Variants in PTPRN2 observed in about 807,000 individuals in gnomAD.
PTPRN2 encodes the protein receptor-type tyrosine-protein phosphatase N2.
PTPRN2 carries 74 observed loss-of-function variants against 118.8 expected under a neutral mutation model. That is an observed-to-expected ratio of 0.62 (90% CI 0.52 to 0.76). The LOEUF (loss-of-function observed/expected upper bound fraction) is 0.76, where lower values mean the gene tolerates loss of function less well. Among genes scored for constraint, PTPRN2 ranks in the 30% least tolerant of loss-of-function variants. The pLI is 0.00. For missense variants in PTPRN2, 1,481 were observed against 1,394.4 expected, an observed-to-expected ratio of 1.06 and a Z score of -0.99; for synonymous variants, 641 against 608.0, an observed-to-expected ratio of 1.05 and a Z score of -0.80.
chr7:158,333,313 C>A (rs1310471222), intron 2 of PTPRN2, among the ~76,000 whole-genome samples: 2 of 140,608 alleles, frequency 1.4e-5, no homozygotes, highest in Non-Finnish European at 1.6e-5. Context: ...CTGCAGACGT[C>A]ACTCACACCC....
At chr7:158,369,268 T>TATAC (rs1279036358) in intron 2 of PTPRN2, among the ~76,000 whole-genome samples, 10 of 144,872 alleles carry the variant, frequency 6.9e-5, no homozygotes, top group African/African-American at 1.8e-4. Flanking sequence ...TATACACACA[T>TATAC]ACACACACAC....
chr7:158,276,578 G>C (rs950257081), intron 3 of PTPRN2, among the ~76,000 whole-genome samples: 10 of 152,086 alleles, frequency 6.6e-5, no homozygotes, highest in Admixed American at 3.9e-4. Flanking sequence ...CAGTCGTGGT[G>C]ACCGCATGGC....
chr7:157,771,075 C>T (rs534081173), intron 12 of PTPRN2, among the ~76,000 whole-genome samples: 8 of 152,352 alleles, frequency 5.3e-5, no homozygotes, highest in South Asian at 2.1e-4. Context: ...TTGGGAAACT[C>T]GCTGCCATTC....
chr7:158,332,859 C>A (rs1586314879), intron 2 of PTPRN2, among the ~76,000 whole-genome samples: 1 of 148,958 alleles, frequency 6.7e-6, no homozygotes, highest in South Asian at 2.1e-4. Flanking sequence ...ACGTCACTCA[C>A]ACCCACACTC....
Position 157,682,707 on chromosome 7 carries a change from TAA to T in PTPRN2, c.2001+16_2001+17del, listed in dbSNP as rs1202955028. 1.9e-6 allele frequency: 3 copies of T among 1,603,724 alleles called. No homozygotes were observed. Among genetic ancestry groups the T allele is most frequent in the African/African-American group, 2.7e-5 (2 of 74,682 alleles). ...CAGATAAATCCGATATACCACTTTT[TAA>T]AAAGTCTCCTCTTACCTGGTAGGCG... On this transcript the variant is annotated intron_variant, in intron 13 of 22. Coordinates refer to ENST00000389418, the MANE Select transcript of PTPRN2 (RefSeq NM_002847.5).
intron 3 of PTPRN2, among the ~76,000 whole-genome samples, chr7:158,275,200 G>A (rs975940368): frequency 1.4e-5 from 2 of 145,750 alleles, no homozygotes; most frequent in Non-Finnish European, 2.9e-5. Flanking sequence ...TGGCTGTGGG[G>A]ACAGTGGGGA....
At chr7:158,409,062 C>T (rs1813813650) in intron 2 of PTPRN2, among the ~76,000 whole-genome samples, 2 of 151,810 alleles carry the variant, frequency 1.3e-5, no homozygotes, top group Admixed American at 6.6e-5. Flanking sequence ...GCTTTATGTA[C>T]ACAATCATAT....
At chr7:158,499,166 TATC>T (rs911681137) in intron 1 of PTPRN2, among the ~76,000 whole-genome samples, 1 of 151,992 alleles carries the variant, frequency 6.6e-6, no homozygotes, top group Non-Finnish European at 1.5e-5. Flanking sequence ...ATATCATCAT[TATC>T]ATCATCATCA....
intron 1 of PTPRN2, among the ~76,000 whole-genome samples, chr7:158,571,963 A>G (rs1363196007): frequency 1.3e-5 from 2 of 152,196 alleles, no homozygotes; most frequent in Non-Finnish European, 2.9e-5. Flanking sequence ...TAACCTCATG[A>G]AATTCTACTA....
At chr7:157,879,200 G>A (rs567681316) in intron 12 of PTPRN2, among the ~76,000 whole-genome samples, 1,943 of 128,100 alleles carry the variant, frequency 0.015, 25 homozygotes, top group African/African-American at 0.056. Context: ...AGGAGCTCTC[G>A]GATTCCGTGG....
intron 3 of PTPRN2, among the ~76,000 whole-genome samples, chr7:158,286,557 T>C (rs1429077479): frequency 6.6e-6 from 1 of 152,232 alleles, no homozygotes; most frequent in African/African-American, 2.4e-5. Context: ...TGAGTGTTTT[T>C]ATTATGAGAG....
At chr7:157,747,301 G>C (rs1161950255) in intron 12 of PTPRN2, among the ~76,000 whole-genome samples, 39 of 128,116 alleles carry the variant, frequency 3.0e-4, no homozygotes, top group Admixed American at 1.4e-3. Context: ...TCTCTGAGCT[G>C]TGGGGTGTCC....
chr7:158,412,621 A>T (rs1268755149), intron 2 of PTPRN2, among the ~76,000 whole-genome samples: 14 of 73,314 alleles, frequency 1.9e-4, no homozygotes, highest in South Asian at 6.7e-4. Flanking sequence ...CCTCCTCAGC[A>T]CCAGGGCCCA....
rs571832694 is a variant in PTPRN2, at chr7:158,003,812, C to T, written c.1723+77486G>A. The stretch of plus-strand genomic sequence containing the variant: ...CAACACGCCAAGGCCAGTGGTAAAA[C>T]GGGCCTCTGCTTTTTTTAAAGAATA... On this transcript the variant is annotated intron_variant, in intron 11 of 22. Transcript: ENST00000389418. The surrounding 1 kb of genome is among the most constrained non-coding windows in gnomAD (Gnocchi z 5.0). Among the ~76,000 whole-genome samples the T allele has an allele frequency of 1.1e-4, 16 of 152,306 alleles. No homozygotes were observed. The highest frequency in any genetic ancestry group is 9.8e-4 in the Admixed American group (15 of 15,304).
intron 1 of PTPRN2, among the ~76,000 whole-genome samples, chr7:158,518,760 G>T (rs958092908): frequency 2.6e-5 from 4 of 152,174 alleles, no homozygotes; most frequent in African/African-American, 9.7e-5. Flanking sequence ...TGAAACAGGT[G>T]AATTGCTTGA....
At chr7:157,972,091 T>C (rs557394494) in intron 11 of PTPRN2, among the ~76,000 whole-genome samples, 1 of 152,288 alleles carries the variant, frequency 6.6e-6, no homozygotes, top group South Asian at 2.1e-4. Context: ...CAGCAGAATT[T>C]TTCTCCCCAA....
intron 5 of PTPRN2, among the ~76,000 whole-genome samples, chr7:158,171,976 C>T (rs1245115356): frequency 6.6e-6 from 1 of 152,170 alleles, no homozygotes; most frequent in Admixed American, 6.5e-5. Flanking sequence ...AAGAGAAATC[C>T]GGCTGAGCAT....
intron 1 of PTPRN2, among the ~76,000 whole-genome samples, chr7:158,514,043 C>T (rs12534935): frequency 0.19 from 28,357 of 152,102 alleles, 3,113 homozygotes; most frequent in East Asian, 0.39. Context: ...CTCTAAAGCA[C>T]CCAGCACTCT....
chr7:158,214,073 A>C (rs992499311), intron 3 of PTPRN2, among the ~76,000 whole-genome samples: 3 of 152,046 alleles, frequency 2.0e-5, no homozygotes, highest in Non-Finnish European at 4.4e-5. Flanking sequence ...GTCAGAAGAA[A>C]CTGTGCTCTT....
Sources: allele counts gnomAD v4.1 joint callset (sites outside exome capture counted in the v4.1 genomes callset), GRCh38; gene constraint gnomAD v4.1.1; non-coding constraint Gnocchi (gnomAD v3.1); transcripts MANE v1.5; gene names NCBI Gene and HGNC (gene_info 2026-07-23, HGNC 2026-07-21).